Variants in JPH2 observed in about 807,000 individuals in gnomAD.
The protein encoded by JPH2 is junctophilin 2, also known as junctophilin-2.
Under a neutral mutation model 55.9 loss-of-function variants are expected in JPH2, and 38 were observed. The observed-to-expected ratio is 0.68, with a 90% confidence interval of 0.52 to 0.89. The LOEUF is 0.89. Among genes scored for constraint, JPH2 ranks in the 40% least tolerant of loss-of-function variants. JPH2 has a pLI of 0.00. For missense variants in JPH2, 964 were observed against 1,037.6 expected, an observed-to-expected ratio of 0.93 and a Z score of 0.97; for synonymous variants, 480 against 472.4, an observed-to-expected ratio of 1.02 and a Z score of -0.21.
intron 2 of JPH2, among the ~76,000 whole-genome samples, chr20:44,124,608 G>T (rs562244666): frequency 6.6e-6 from 1 of 151,686 alleles, no homozygotes; most frequent in African/African-American, 2.4e-5. Flanking sequence ...GAGGCCAGGA[G>T]TTTGAGACCA....
chr20:44,167,832 G>C (rs191508375), intron 1 of JPH2, among the ~76,000 whole-genome samples: 3 of 152,342 alleles, frequency 2.0e-5, no homozygotes, highest in Admixed American at 6.5e-5. Flanking sequence ...TGACAAGCTA[G>C]ATGAAGACCA....
At position 44,136,763 on chromosome 20, in the gene JPH2, T is replaced by C. The variant is rs1267340795; in HGVS notation, c.1170-18140A>G. ...AACTTGCATGATCTTTGCCAAGTCA[T>C]GGAACCTCTCCCAGTCTCAGTTTCC... On this transcript the variant is annotated intron_variant, in intron 2 of 5. Coordinates refer to ENST00000372980, the MANE Select transcript of JPH2 (RefSeq NM_020433.5). 3.3e-5 allele frequency among the ~76,000 whole-genome samples: 5 copies of C among 152,288 alleles called. No individual in the cohort carries two copies. The South Asian group carries it at 8.3e-4, about 25-fold the overall frequency.
intron 2 of JPH2, among the ~76,000 whole-genome samples, chr20:44,134,934 T>C (rs1347447195): frequency 7.9e-6 from 1 of 126,554 alleles, no homozygotes; most frequent in Non-Finnish European, 1.6e-5. Flanking sequence ...TTTATATATA[T>C]ATATAAAACC....
chr20:44,135,543 C>A (rs1239795958), intron 2 of JPH2, among the ~76,000 whole-genome samples: 1 of 152,208 alleles, frequency 6.6e-6, no homozygotes, highest in Non-Finnish European at 1.5e-5. Flanking sequence ...CCGTCTCCTG[C>A]ATTTCGCTTC....
rs1025266043 is a variant in JPH2 at position 44,110,428 on chromosome 20, G to T, written c.*3090C>A. On this transcript the variant is annotated 3_prime_UTR_variant, in exon 6 of 6. Coordinates refer to ENST00000372980, the MANE Select transcript of JPH2 (RefSeq NM_020433.5). ...ATTCCAGAGTTTTGAAAACTTTTGT[G>T]TTTTTTTTTTTTTCCAGATGGAGTC... is the stretch of plus-strand genomic sequence containing the variant. 2.7e-5 allele frequency among the ~76,000 whole-genome samples: 4 copies of T among 147,320 alleles called. No individual in the cohort carries two copies. Among genetic ancestry groups the T allele is most frequent in the Non-Finnish European group, 6.0e-5 (4 of 66,628 alleles).
intron 2 of JPH2, among the ~76,000 whole-genome samples, chr20:44,126,083 G>A (rs2072272657): frequency 6.9e-6 from 1 of 145,762 alleles, no homozygotes; most frequent in Admixed American, 7.0e-5. Context: ...CTATGATTAT[G>A]CCACTGCACT....
intron 1 of JPH2, chr20:44,177,956 G>A: frequency 1.6e-6 from 2 of 1,263,140 alleles, no homozygotes; most frequent in Non-Finnish European, 2.3e-6. Flanking sequence ...TATTCTGAGG[G>A]CGATTTTAAC....
rs2072117467 is a variant in JPH2 at position 44,107,884 on chromosome 20, T to C, written c.*5634A>G. Among the ~76,000 whole-genome samples the C allele has an allele frequency of 1.3e-5, 2 of 152,224 alleles. No homozygotes were observed. Among genetic ancestry groups the C allele is most frequent in the Non-Finnish European group, 2.9e-5 (2 of 68,044 alleles). Reference sequence around the variant, plus strand: ...TAATTTCTAAACCCTTAGGATATCCTGATTAACAGGAGTGTCTTTGTTATT... The same window carrying C: ...TAATTTCTAAACCCTTAGGATATCCCGATTAACAGGAGTGTCTTTGTTATT... On this transcript the variant is annotated 3_prime_UTR_variant, in exon 6 of 6. Transcript: ENST00000372980.
At chr20:44,126,222 C>T (rs2072276387) in intron 2 of JPH2, among the ~76,000 whole-genome samples, 1 of 138,276 alleles carries the variant, frequency 7.2e-6, no homozygotes, top group Admixed American at 7.3e-5. Context: ...GGGGAGGGGG[C>T]ACAGTGTTTT....
At chr20:44,179,030 G>A (rs2072758741) in intron 1 of JPH2, among the ~76,000 whole-genome samples, 1 of 152,112 alleles carries the variant, frequency 6.6e-6, no homozygotes, top group Non-Finnish European at 1.5e-5. Context: ...AAAGAAAACT[G>A]GATCCAGAGC....
chr20:44,186,138 T>C (rs979050257), intron 1 of JPH2, among the ~76,000 whole-genome samples, 189 bp downstream of exon 1: 4 of 152,154 alleles, frequency 2.6e-5, no homozygotes, highest in Non-Finnish European at 2.9e-5. Context: ...ACCCCTTTAT[T>C]AGCTCCATCT....
rs948004587 is a variant in JPH2 at position 44,108,353 on chromosome 20, CTG to C, written c.*5163_*5164del. 2.2e-4 allele frequency among the ~76,000 whole-genome samples: 33 copies of C among 152,196 alleles called. No individual in the cohort carries two copies. The highest frequency in any genetic ancestry group is 7.9e-4 in the African/African-American group (33 of 41,520). ...TGAGTAGAATAGCTTTCAGTGAGTT[CTG>C]TGAGTCTTTCTAGTGAATTATTGAG... On this transcript the variant is annotated 3_prime_UTR_variant, in exon 6 of 6. Coordinates refer to ENST00000372980, the MANE Select transcript of JPH2 (RefSeq NM_020433.5).
At chr20:44,171,974 G>T (rs958063453) in intron 1 of JPH2, among the ~76,000 whole-genome samples, 3 of 152,186 alleles carry the variant, frequency 2.0e-5, no homozygotes, top group African/African-American at 7.2e-5. Context: ...AACAGATACT[G>T]TCAAATGCAT....
intron 1 of JPH2, among the ~76,000 whole-genome samples, chr20:44,176,280 C>T (rs2072732061): frequency 6.6e-6 from 1 of 150,656 alleles, no homozygotes; most frequent in Non-Finnish European, 1.5e-5. Flanking sequence ...AACACAAGAG[C>T]TAAAAGAATC....
Position 44,116,331 on chromosome 20 carries a change from G to A in JPH2, c.1344C>T (p.Ser448=), listed in dbSNP as rs886038859. Residue 448 remains serine (S), a synonymous_variant, in exon 4 of 6, where the codon AGC becomes AGT. Transcript: ENST00000372980. ...CGCCCCGGTCGGGGGGCTCCAGCAGGCTCTCCGAGTTCTCCAGGATCTCCT... is the reference window on the plus strand; with the variant it reads ...CGCCCCGGTCGGGGGGCTCCAGCAGACTCTCCGAGTTCTCCAGGATCTCCT... ...LLQEILENSE[S]LLEPPDRGAG... is the part of the protein sequence containing the mutation. 2.3e-5 allele frequency: 36 copies of A among 1,545,676 alleles called. No individual in the cohort carries two copies. The highest frequency in any genetic ancestry group is 2.0e-4 in the Middle Eastern group (1 of 4,922).
At chr20:44,143,345 G>A (rs1286163698) in intron 2 of JPH2, among the ~76,000 whole-genome samples, 2 of 152,136 alleles carry the variant, frequency 1.3e-5, no homozygotes, top group Non-Finnish European at 2.9e-5. Flanking sequence ...AGCTGTGGAG[G>A]CAAGCTCCAT....
chr20:44,139,510 G>C (rs921203293), intron 2 of JPH2, among the ~76,000 whole-genome samples: 9 of 152,088 alleles, frequency 5.9e-5, no homozygotes, highest in Non-Finnish European at 1.3e-4. Flanking sequence ...ATCAAGTTCT[G>C]TACTTGGAAA....
chr20:44,182,753 A>T (rs2072796381), intron 1 of JPH2, among the ~76,000 whole-genome samples: 2 of 152,286 alleles, frequency 1.3e-5, no homozygotes, highest in African/African-American at 4.8e-5. Flanking sequence ...TGGAGATTAC[A>T]TGTATGTTTG....
In JPH2 at chr20:44,186,758, G is replaced by T; in HGVS notation, c.-53C>A. The T allele has an allele frequency of 6.4e-7, 1 of 1,561,472 alleles. No individual in the cohort carries two copies. The highest frequency in any genetic ancestry group is 8.7e-7 in the Non-Finnish European group (1 of 1,147,074). On this transcript the variant is annotated 5_prime_UTR_variant, in exon 1 of 6. Coordinates refer to ENST00000372980, the MANE Select transcript of JPH2 (RefSeq NM_020433.5). ...GTCCTCCAGCGTGGGTGCAGAGGGC[G>T]TGGGTGATGCCTGCAACACTCCTCC...
Sources: gnomAD v4.1 joint callset for allele counts (sites outside exome capture counted in the v4.1 genomes callset) on GRCh38, gnomAD v4.1.1 for gene constraint, MANE v1.5 for transcripts, NCBI Gene and HGNC (gene_info 2026-07-23, HGNC 2026-07-21) for gene names.